The following GRM1 variants were observed in gnomAD, a reference collection of about 807,000 sequenced individuals.
The protein encoded by GRM1 is metabotropic glutamate receptor 1.
GRM1 carries 33 observed loss-of-function variants against 90.9 expected under a neutral mutation model. The ratio of observed to expected loss-of-function variants is 0.36; its 90% CI spans 0.28 to 0.49. The LOEUF is 0.49. GRM1 is among the 20% of genes least tolerant of loss of function. GRM1 has a pLI of 0.99. For missense variants in GRM1, 1,190 were observed against 1,534.3 expected (o/e 0.78, Z 3.75); for synonymous variants, 700 against 613.2 (o/e 1.14, Z -2.09).
chr6:146,398,715 G>A (rs1342907063), intron 6 of GRM1, 54 bp from the exon 7 acceptor site: 2 of 1,199,732 alleles, frequency 1.7e-6, no homozygotes, highest in African/African-American at 1.5e-5. Flanking sequence ...TAGGCAAGTT[G>A]TTATTCCTAG....
At chr6:146,376,566 A>AT (rs78033104) in intron 5 of GRM1, among the ~76,000 whole-genome samples, 3,715 of 151,288 alleles carry the variant, frequency 0.025, 63 homozygotes, top group Middle Eastern at 0.034. Context: ...CTATGGTAGA[A>AT]TTTTTTTTTC....
intron 2 of GRM1, among the ~76,000 whole-genome samples, chr6:146,283,936 T>C (rs1419626933): frequency 2.0e-5 from 3 of 152,314 alleles, no homozygotes; most frequent in African/African-American, 7.2e-5. Context: ...ACTATTTCCT[T>C]TAAAAATTAT....
At chr6:146,227,032 T>A (rs1248511742) in intron 2 of GRM1, among the ~76,000 whole-genome samples, 1 of 152,144 alleles carries the variant, frequency 6.6e-6, no homozygotes, top group African/African-American at 2.4e-5. Flanking sequence ...AGAATAAGAT[T>A]ATCTCAGTGT....
intron 2 of GRM1, among the ~76,000 whole-genome samples, chr6:146,180,423 T>C (rs1267170212): frequency 2.0e-5 from 3 of 152,194 alleles, no homozygotes; most frequent in Non-Finnish European, 4.4e-5. Context: ...TAACTGATTT[T>C]TACATAATGA....
intron 2 of GRM1, among the ~76,000 whole-genome samples, chr6:146,290,291 T>G (rs1275300943): frequency 6.6e-6 from 1 of 152,196 alleles, no homozygotes; most frequent in East Asian, 1.9e-4. Context: ...ACGCAACTCT[T>G]GTTTAATGGG....
chr6:146,431,166 A>T (rs1347891664), intron 7 of GRM1, among the ~76,000 whole-genome samples: 1 of 152,180 alleles, frequency 6.6e-6, no homozygotes, highest in Non-Finnish European at 1.5e-5. Flanking sequence ...TAATCTGATA[A>T]ATGCCCTGAG....
At chr6:146,083,265 C>A (rs1358398050) in intron 1 of GRM1, among the ~76,000 whole-genome samples, 1 of 152,096 alleles carries the variant, frequency 6.6e-6, no homozygotes, top group Non-Finnish European at 1.5e-5. Context: ...ACTTCCAATA[C>A]TATGTTGAAT....
At position 146,399,203 on chromosome 6, in the gene GRM1, G is replaced by A. The variant is rs1226605580; in HGVS notation, c.2164G>A (p.Val722Ile). Reference sequence around the variant, plus strand: ...GATTAGTGTGCAACTAACCCTGGTGGTAACCCTGATCATCATGGAACCCCC... The same window carrying A: ...GATTAGTGTGCAACTAACCCTGGTGATAACCCTGATCATCATGGAACCCCC... ...ILISVQLTLV[V>I]TLIIMEPPMP... The change falls in exon 7 of 8, where the codon GTA (valine) becomes ATA (isoleucine). Residue 722 changes from valine to isoleucine, a missense_variant. Val to Ile is a conservative substitution (Grantham distance 29). Coordinates refer to ENST00000282753, the MANE Select transcript of GRM1 (RefSeq NM_001278064.2). This position sits in a 1 kb window ranked among gnomAD's most constrained non-coding sequence, Gnocchi z 5.4. The A allele has an allele frequency of 6.2e-7, 1 of 1,614,040 alleles. No individual in the cohort carries two copies. The highest frequency in any genetic ancestry group is 2.2e-5 in the East Asian group (1 of 44,870).
At chr6:146,372,382 G>A (rs1351104662) in intron 5 of GRM1, among the ~76,000 whole-genome samples, 1 of 151,964 alleles carries the variant, frequency 6.6e-6, no homozygotes, top group Non-Finnish European at 1.5e-5. Flanking sequence ...TAGATGGGTA[G>A]TTTGCAAATA....
At chr6:146,081,695 T>G (rs1389821922) in intron 1 of GRM1, among the ~76,000 whole-genome samples, 1 of 152,210 alleles carries the variant, frequency 6.6e-6, no homozygotes, top group Non-Finnish European at 1.5e-5. Flanking sequence ...TCTTTATTAT[T>G]TAATTCATCG....
chr6:146,307,655 G>A (rs1445599745), intron 3 of GRM1, among the ~76,000 whole-genome samples: 3 of 152,160 alleles, frequency 2.0e-5, no homozygotes, highest in Admixed American at 2.0e-4. Context: ...TTAGTGTGAG[G>A]AAGGAGAATT....
Position 146,242,781 on chromosome 6 carries a change from C to A in GRM1, c.951-61830C>A, listed in dbSNP as rs187563370. 7.9e-5 allele frequency among the ~76,000 whole-genome samples: 12 copies of A among 152,188 alleles called. No individual in the cohort carries two copies. The East Asian group carries it at 1.5e-3, about 20-fold the overall frequency. The stretch of plus-strand genomic sequence containing the variant: ...TCTATCTGAAGGCCTAGAATATTTT[C>A]CCTTTTCCATTTCCCCTCCTCTTTA... On this transcript the variant is annotated intron_variant, in intron 2 of 7. Transcript: ENST00000282753.
intron 3 of GRM1, among the ~76,000 whole-genome samples, chr6:146,311,515 C>A (rs947108564): frequency 2.0e-4 from 30 of 152,110 alleles, no homozygotes; most frequent in Non-Finnish European, 2.9e-5. Context: ...ACAATATTGG[C>A]CTACCTATCT....
chr6:146,030,009 C>G lies in GRM1; in HGVS notation c.492C>G (p.Ser164=). 6.2e-7 allele frequency: 1 copy of G among 1,614,182 alleles called. No homozygotes were observed. The highest frequency in any genetic ancestry group is 8.5e-7 in the Non-Finnish European group (1 of 1,180,026). ...TTGCGGGAGTGATCGGTCCCGGCTC[C>G]AGCTCTGTAGCCATTCAAGTGCAGA... is the stretch of plus-strand genomic sequence containing the variant. ...KPIAGVIGPG[S]SSVAIQVQNL... Residue 164 remains serine, a synonymous_variant, in exon 1 of 8, where the codon TCC becomes TCG. Transcript: ENST00000282753.
chr6:146,130,229 T>C (rs1362582967), intron 1 of GRM1, among the ~76,000 whole-genome samples: 2 of 150,136 alleles, frequency 1.3e-5, no homozygotes, highest in African/African-American at 2.5e-5. Context: ...TTCTCTTTCT[T>C]TCCCTCCCTC....
intron 1 of GRM1, among the ~76,000 whole-genome samples, chr6:146,106,215 A>G (rs564252238): frequency 3.5e-4 from 54 of 152,320 alleles, no homozygotes; most frequent in African/African-American, 1.3e-3. Context: ...TGATTAATGG[A>G]AATTCTCTTT....
At chr6:146,316,938 T>C (rs1783994575) in intron 3 of GRM1, among the ~76,000 whole-genome samples, 2 of 152,224 alleles carry the variant, frequency 1.3e-5, no homozygotes, top group Non-Finnish European at 2.9e-5. Context: ...AAAAATCTTA[T>C]TTTAAATGTA....
intron 2 of GRM1, among the ~76,000 whole-genome samples, chr6:146,195,909 G>T (rs1167805313): frequency 6.6e-6 from 1 of 152,176 alleles, no homozygotes; most frequent in Non-Finnish European, 1.5e-5. Flanking sequence ...AGATTCAACA[G>T]CAGGAGGTAC....
At chr6:146,057,710 T>G in intron 1 of GRM1, among the ~76,000 whole-genome samples, 1 of 152,130 alleles carries the variant, frequency 6.6e-6, no homozygotes. Flanking sequence ...CCATTCCTTC[T>G]TTCCCCATTT....
Sources: gnomAD v4.1 joint callset for allele counts (sites outside exome capture counted in the v4.1 genomes callset) on GRCh38, gnomAD v4.1.1 for gene constraint, Gnocchi (gnomAD v3.1) non-coding constraint, MANE v1.5 for transcripts, NCBI Gene and HGNC (gene_info 2026-07-23, HGNC 2026-07-21) for gene names.